The following GLRA3 variants were observed in gnomAD, a reference collection of about 807,000 sequenced individuals.
The protein encoded by GLRA3 is glycine receptor subunit alpha-3.
GLRA3 carries 44 observed loss-of-function variants against 60.4 expected under a neutral mutation model. The observed-to-expected ratio is 0.73, with a 90% CI of 0.57 to 0.94. The LOEUF is 0.94. Among genes scored for constraint, GLRA3 ranks in the 40% least tolerant of loss-of-function variants. GLRA3 has a pLI of 0.00. For missense variants in GLRA3, 508 were observed against 564.6 expected (o/e 0.90, Z 1.02); for synonymous variants, 223 against 192.9 (o/e 1.16, Z -1.29).
intron 5 of GLRA3, among the ~76,000 whole-genome samples, chr4:174,705,997 A>G (rs772914628): frequency 2.0e-5 from 3 of 152,142 alleles, no homozygotes; most frequent in East Asian, 1.9e-4. Context: ...TTGGGAGGCC[A>G]AGGTGGGTGG....
At chr4:174,805,410 G>C (rs1740003827) in intron 1 of GLRA3, among the ~76,000 whole-genome samples, 1 of 152,054 alleles carries the variant, frequency 6.6e-6, no homozygotes, top group Non-Finnish European at 1.5e-5. Flanking sequence ...CACTGACTCT[G>C]GGAAGCTAAT....
intron 3 of GLRA3, among the ~76,000 whole-genome samples, chr4:174,749,658 G>T (rs2111191907): frequency 6.6e-6 from 1 of 152,072 alleles, no homozygotes; most frequent in Middle Eastern, 3.4e-3. Flanking sequence ...GGAGCTAAAA[G>T]AAAAAATAAA....
intron 3 of GLRA3, among the ~76,000 whole-genome samples, chr4:174,764,362 T>C (rs1738055265): frequency 6.6e-6 from 1 of 152,122 alleles, no homozygotes; most frequent in South Asian, 2.1e-4. Flanking sequence ...TTAAGATTCT[T>C]GTTAAGCAGA....
chr4:174,803,241 G>A (rs191513873), intron 1 of GLRA3, among the ~76,000 whole-genome samples: 39 of 151,930 alleles, frequency 2.6e-4, no homozygotes, highest in Admixed American at 5.9e-4. Flanking sequence ...GTCTCTTCTC[G>A]TGGGTAATAG....
At chr4:174,664,043 T>A (rs188191040) in intron 7 of GLRA3, among the ~76,000 whole-genome samples, 116 of 152,300 alleles carry the variant, frequency 7.6e-4, no homozygotes, top group Non-Finnish European at 1.2e-3. Context: ...TCCCAAGCCA[T>A]CCTGCAGAAG....
At chr4:174,697,131 A>G (rs1735090933) in intron 5 of GLRA3, among the ~76,000 whole-genome samples, 1 of 152,228 alleles carries the variant, frequency 6.6e-6, no homozygotes, top group Non-Finnish European at 1.5e-5. Flanking sequence ...AATATATAAA[A>G]GAAGCACTTA....
chr4:174,652,668 G>A (rs977967579), intron 9 of GLRA3, among the ~76,000 whole-genome samples: 1 of 152,024 alleles, frequency 6.6e-6, no homozygotes, highest in African/African-American at 2.4e-5. Context: ...ATTATGCCAA[G>A]CACTGATTCA....
chr4:174,770,673 G>C (rs1738344596), intron 2 of GLRA3, among the ~76,000 whole-genome samples: 1 of 152,010 alleles, frequency 6.6e-6, no homozygotes, highest in Non-Finnish European at 1.5e-5. Flanking sequence ...GGATGAACAT[G>C]TAATAATAAG....
At chr4:174,729,603 G>A (rs1736477010) in intron 3 of GLRA3, among the ~76,000 whole-genome samples, 1 of 152,318 alleles carries the variant, frequency 6.6e-6, no homozygotes, top group South Asian at 2.1e-4. Context: ...AATGACAAAT[G>A]TTGACAGCTG....
intron 1 of GLRA3, among the ~76,000 whole-genome samples, chr4:174,824,140 CA>C (rs1295753459): frequency 1.3e-5 from 2 of 152,304 alleles, no homozygotes; most frequent in East Asian, 3.9e-4. Context: ...ATCTTAACCT[CA>C]AAATACCCCG....
intron 1 of GLRA3, among the ~76,000 whole-genome samples, chr4:174,793,844 A>G (rs1374242722): frequency 1.3e-5 from 2 of 152,184 alleles, no homozygotes; most frequent in Non-Finnish European, 2.9e-5. Context: ...CTTTTCATAT[A>G]TATTTTCAGA....
chr4:174,636,982 C>T lies in GLRA3; in HGVS notation c.*6804G>A, dbSNP rs1197888796. 6.6e-6 allele frequency: 1 copy of T among 152,098 alleles called. No homozygotes were observed. Among genetic ancestry groups the T allele is most frequent in the Non-Finnish European group, 1.5e-5 (1 of 67,990 alleles). The allele number at this position is 152,098 out of a possible 1,614,324, so 9.4% of individuals were successfully genotyped here. A position where few individuals can be genotyped will look rare whatever the true frequency, so the allele number is the denominator to read the frequency against. On this transcript the variant is annotated 3_prime_UTR_variant, in exon 10 of 10. Coordinates refer to ENST00000274093, the MANE Select transcript of GLRA3 (RefSeq NM_006529.4). ...ATTATCTATAGTTACATGTTAAATA[C>T]TTTATACTGTTCACAGGTTAATGAC...
chr4:174,774,082 G>C (rs1244743963), intron 2 of GLRA3, among the ~76,000 whole-genome samples: 1 of 152,182 alleles, frequency 6.6e-6, no homozygotes, highest in Middle Eastern at 3.2e-3. Context: ...ATCTACACAA[G>C]GAGATGAACC....
At chr4:174,670,065 T>C (rs1733845941) in intron 7 of GLRA3, among the ~76,000 whole-genome samples, 1 of 152,204 alleles carries the variant, frequency 6.6e-6, no homozygotes, top group African/African-American at 2.4e-5. Context: ...TACCATCATT[T>C]TTTCTGTAGG....
intron 5 of GLRA3, among the ~76,000 whole-genome samples, chr4:174,697,807 C>G (rs1270104193): frequency 6.6e-6 from 1 of 152,134 alleles, no homozygotes; most frequent in Non-Finnish European, 1.5e-5. Flanking sequence ...AATTGCCACA[C>G]TTTGAACACA....
At position 174,643,859 on chromosome 4, in the gene GLRA3, A is replaced by G; in HGVS notation, c.1322T>C (p.Leu441Ser). 2 of 1,614,044 alleles carry G rather than the reference A, an allele frequency of 1.2e-6. No homozygotes were observed. Among genetic ancestry groups the G allele is most frequent in the African/African-American group, 1.3e-5 (1 of 75,050 alleles). The change falls in exon 10 of 10, where the codon TTG becomes TCG. Residue 441 changes from leucine to serine, a missense_variant. Physicochemically the swap from Leu to Ser is moderately radical, Grantham distance 145. This residue lies in a region of GLRA3 where 176 missense variants were observed against 197.9 expected (regional missense o/e 0.89). Transcript: ENST00000274093. ...ISRACFPLAFLIFNIFYWVIY... is the reference protein window; with the variant it reads ...ISRACFPLAFSIFNIFYWVIY... ...AACCCAGTAGAAAATATTAAAAATC[A>G]AAAAAGCTAATGGGAAGCAGGCTCG...
At chr4:174,654,648 T>A (rs1012462439) in intron 9 of GLRA3, among the ~76,000 whole-genome samples, 1 of 152,114 alleles carries the variant, frequency 6.6e-6, no homozygotes, top group African/African-American at 2.4e-5. Flanking sequence ...ATTAAAGCAA[T>A]CTCATTTCAT....
At chr4:174,817,320 C>CA (rs1740547101) in intron 1 of GLRA3, among the ~76,000 whole-genome samples, 1 of 152,194 alleles carries the variant, frequency 6.6e-6, no homozygotes, top group Admixed American at 6.5e-5. Context: ...TTAAGGGTGG[C>CA]AAAACAAGAG....
chr4:174,789,546 A>T (rs965533502), intron 1 of GLRA3, among the ~76,000 whole-genome samples: 10 of 152,182 alleles, frequency 6.6e-5, no homozygotes, highest in Middle Eastern at 6.3e-3. Context: ...AAGATTGAGA[A>T]ATTGCCATAA....
Sources: gnomAD v4.1 joint callset for allele counts (sites outside exome capture counted in the v4.1 genomes callset) on GRCh38, gnomAD v4.1.1 for gene constraint, gnomAD v4.1.1 regional missense constraint, MANE v1.5 for transcripts, NCBI Gene and HGNC (gene_info 2026-07-23, HGNC 2026-07-21) for gene names.